The following RARS2 variants were observed in gnomAD, a reference collection of about 807,000 sequenced individuals.
RARS2 encodes arginyl-tRNA synthetase 2, mitochondrial.
In RARS2, 67 loss-of-function variants were observed where a neutral mutation model predicts 88.5. That is an observed-to-expected ratio of 0.76 (90% CI 0.62 to 0.93). The LOEUF (loss-of-function observed/expected upper bound fraction) is 0.93, where lower values mean the gene tolerates loss of function less well. Ranked by LOEUF, RARS2 falls within the 40% of genes least tolerant of loss-of-function variation. The pLI, the probability that RARS2 is intolerant of heterozygous loss-of-function variation, is 0.00. For synonymous variants in RARS2, 239 were observed against 230.3 expected, an observed-to-expected ratio of 1.04 and a Z score of -0.34; for missense variants, 664 against 684.2, an observed-to-expected ratio of 0.97 and a Z score of 0.33.
At chr6:87,564,877 G>C (rs772829442) in intron 2 of RARS2, among the ~76,000 whole-genome samples, 6 of 151,836 alleles carry the variant, frequency 4.0e-5, no homozygotes, top group Non-Finnish European at 7.4e-5. Flanking sequence ...GGCCAACATG[G>C]AAAAACCCCA....
chr6:87,564,531 T>C (rs1767250218), intron 2 of RARS2: 2 of 386,044 alleles, frequency 5.2e-6, no homozygotes, highest in Non-Finnish European at 4.9e-6. Context: ...TAGCCAGGCA[T>C]GGTGGTGTGT....
intron 1 of RARS2, chr6:87,589,552 G>A: frequency 1.5e-6 from 1 of 665,692 alleles, no homozygotes; most frequent in Non-Finnish European, 1.9e-6. Context: ...AGGTCCTTCT[G>A]AAGAACAATC....
intron 13 of RARS2, 26 bp from the exon 14 acceptor site, chr6:87,519,733 T>G: frequency 6.2e-7 from 1 of 1,613,654 alleles, no homozygotes; most frequent in Non-Finnish European, 8.5e-7. Flanking sequence ...TCTAGTTAAC[T>G]GAAAGCTAAA....
intron 8 of RARS2, among the ~76,000 whole-genome samples, chr6:87,536,385 C>A (rs995180781): frequency 6.6e-6 from 1 of 151,872 alleles, no homozygotes; most frequent in Non-Finnish European, 1.5e-5. Context: ...ACCTGTAATC[C>A]CAGCATTTTG....
intron 1 of RARS2, among the ~76,000 whole-genome samples, chr6:87,583,672 T>C (rs1028967822): frequency 3.3e-5 from 5 of 151,976 alleles, no homozygotes; most frequent in Non-Finnish European, 5.9e-5. Context: ...CAAATCTACA[T>C]TCCATCATTA....
intron 4 of RARS2, among the ~76,000 whole-genome samples, chr6:87,561,937 A>T (rs1257515806): frequency 6.6e-6 from 1 of 152,144 alleles, no homozygotes; most frequent in Non-Finnish European, 1.5e-5. Context: ...TAGTTTGTTA[A>T]TTGCAATAAA....
At chr6:87,548,439 G>A in intron 6 of RARS2, 152 bp downstream of exon 6, 1 of 711,312 alleles carries the variant, frequency 1.4e-6, no homozygotes, top group Non-Finnish European at 2.3e-6. Context: ...TGTAACCAAT[G>A]TCATCCATTT....
chr6:87,545,673 C>A lies in RARS2; in HGVS notation c.478G>T (p.Ala160Ser). 6.2e-7 allele frequency: 1 copy of A among 1,613,478 alleles called. No homozygotes were observed. Among genetic ancestry groups the A allele is most frequent in the Non-Finnish European group, 8.5e-7 (1 of 1,179,760 alleles). ...ATTCTTATTACTTGATGTCCTAAAGCTTCTTTGAGATTTGCTATAAAATTT... is the reference window on the plus strand; with the variant it reads ...ATTCTTATTACTTGATGTCCTAAAGATTCTTTGAGATTTGCTATAAAATTT... ...IGNFIANLKE[A>S]LGHQVIRINY... The change falls in exon 7 of 20, where the codon GCT (alanine) becomes TCT (serine). Residue 160 changes from alanine to serine, a missense_variant. Physicochemically the swap from Ala to Ser is moderately conservative, Grantham distance 99 (BLOSUM62 1). Transcript: ENST00000369536.
chr6:87,516,994 T>G (rs1771979983), intron 17 of RARS2, 114 bp from the exon 18 acceptor site: 1 of 1,483,672 alleles, frequency 6.7e-7, no homozygotes, highest in Non-Finnish European at 9.1e-7. Flanking sequence ...GAGTAGAAGG[T>G]ATGGCCAGGC....
At chr6:87,519,057 T>TC in intron 14 of RARS2, 166 bp from the exon 15 acceptor site, 1 of 691,372 alleles carries the variant, frequency 1.4e-6, no homozygotes, top group Non-Finnish European at 2.6e-6. Context: ...TAATGACATT[T>TC]CCCCTGCCTA....
intron 1 of RARS2, among the ~76,000 whole-genome samples, chr6:87,580,346 C>A (rs926743363): frequency 6.6e-6 from 1 of 151,888 alleles, no homozygotes; most frequent in Non-Finnish European, 1.5e-5. Context: ...TTACACAATG[C>A]GAACCAAATA....
intron 8 of RARS2, 63 bp from the exon 9 acceptor site, chr6:87,531,005 A>G: frequency 6.3e-7 from 1 of 1,599,680 alleles, no homozygotes; most frequent in Non-Finnish European, 8.5e-7. Context: ...CTAACACGGA[A>G]AGAAAGCAAA....
intron 1 of RARS2, among the ~76,000 whole-genome samples, chr6:87,573,889 T>C (rs558068443): frequency 5.3e-5 from 8 of 152,246 alleles, no homozygotes; most frequent in African/African-American, 1.9e-4. Context: ...ACTTCAAAGT[T>C]GATAGTCAAG....
chr6:87,547,193 A>G (rs1782851436), intron 6 of RARS2, among the ~76,000 whole-genome samples: 1 of 152,208 alleles, frequency 6.6e-6, no homozygotes, highest in South Asian at 2.1e-4. Context: ...AACTGTGAAA[A>G]CAACTTTATC....
intron 1 of RARS2, among the ~76,000 whole-genome samples, chr6:87,588,410 C>A (rs1775819260): frequency 6.6e-6 from 1 of 152,082 alleles, no homozygotes; most frequent in Non-Finnish European, 1.5e-5. Flanking sequence ...CTCTGTCACC[C>A]ACCCTGGAGT....
intron 8 of RARS2, among the ~76,000 whole-genome samples, chr6:87,538,093 A>AT (rs1233791891): frequency 7.9e-5 from 12 of 152,236 alleles, no homozygotes; most frequent in Admixed American, 7.8e-4. Flanking sequence ...GACAAATGTA[A>AT]TTTTAAAATG....
At chr6:87,569,713 A>C in intron 1 of RARS2, 123 bp from the exon 2 acceptor site, 1 of 781,484 alleles carries the variant, frequency 1.3e-6, no homozygotes, top group Non-Finnish European at 2.2e-6. Flanking sequence ...AATGCATTCC[A>C]AGTGAAGGAA....
intron 3 of RARS2, among the ~76,000 whole-genome samples, chr6:87,563,496 G>A (rs1220518183): frequency 6.6e-6 from 1 of 152,126 alleles, no homozygotes; most frequent in Non-Finnish European, 1.5e-5. Context: ...TTCTATGATA[G>A]TGACTTTCAT....
At chr6:87,539,416 T>C (rs1455305927) in intron 8 of RARS2, among the ~76,000 whole-genome samples, 2 of 152,250 alleles carry the variant, frequency 1.3e-5, no homozygotes, top group African/African-American at 4.8e-5. Flanking sequence ...ATATACTTTG[T>C]GTTCTTAGCT....
Sources: gnomAD v4.1 joint callset for allele counts (sites outside exome capture counted in the v4.1 genomes callset) on GRCh38, gnomAD v4.1.1 for gene constraint, MANE v1.5 for transcripts, NCBI Gene and HGNC (gene_info 2026-07-23, HGNC 2026-07-21) for gene names.